Variants in C4orf50 observed in about 807,000 individuals in gnomAD.
The protein encoded by C4orf50 is uncharacterized protein C4orf50.
A neutral mutation model predicts 77.2 loss-of-function variants in C4orf50; 80 were observed. The observed-to-expected ratio is 1.04, with a 90% CI of 0.87 to 1.25. C4orf50 has a LOEUF of 1.25. Ranked by LOEUF, C4orf50 falls within the 50% of genes most tolerant of loss-of-function variation. The probability of loss-of-function intolerance (pLI) is 0.00; values close to 1 mark genes in which losing one functional copy is unlikely to be tolerated. For synonymous variants in C4orf50, 532 were observed against 465.3 expected, an observed-to-expected ratio of 1.14 and a Z score of -1.84; for missense variants, 1,257 against 1,152.9, an observed-to-expected ratio of 1.09 and a Z score of -1.31.
At chr4:5,967,877 C>T (rs967366029) in intron 31 of C4orf50, among the ~76,000 whole-genome samples, 7 of 152,230 alleles carry the variant, frequency 4.6e-5, no homozygotes, top group African/African-American at 1.4e-4. Context: ...CCTGCACCAC[C>T]GCACAGACCA....
intron 7 of C4orf50, among the ~76,000 whole-genome samples, chr4:5,937,518 A>G (rs541513362): frequency 6.6e-6 from 1 of 152,224 alleles, no homozygotes; most frequent in Non-Finnish European, 1.5e-5. Flanking sequence ...GTAAGCACAC[A>G]GTAAGATGAC....
Position 5,992,389 on chromosome 4 carries a change from C to T in C4orf50, c.1221+414G>A, listed in dbSNP as rs1721338742. ...GGTGAGTTGGGACGCAGGCTCCTGACCCTCAGGGCCAGCATGGGGCAGTGT... is the reference window on the plus strand; with the variant it reads ...GGTGAGTTGGGACGCAGGCTCCTGATCCTCAGGGCCAGCATGGGGCAGTGT... On this transcript the variant is annotated intron_variant, in intron 27 of 33. Coordinates refer to ENST00000531445, the Ensembl canonical transcript of C4orf50. This position sits in a 1 kb window ranked among gnomAD's most constrained non-coding sequence, Gnocchi z 5.0. 6.6e-6 allele frequency among the ~76,000 whole-genome samples: 1 copy of T among 152,040 alleles called. No homozygotes were observed. Among genetic ancestry groups the T allele is most frequent in the Non-Finnish European group, 1.5e-5 (1 of 67,992 alleles).
chr4:5,992,695 GC>G lies in C4orf50; in HGVS notation c.1221+107del. On this transcript the variant is annotated intron_variant, in intron 27 of 33. Transcript: ENST00000531445. This position sits in a 1 kb window ranked among gnomAD's most constrained non-coding sequence, Gnocchi z 5.0. ...TCCAGAATGTTCTCCCAGACCTGGA[GC>G]TTCTTTACCCCTCCCACATCCTGCG... The G allele has an allele frequency of 2.5e-6, 1 of 397,992 alleles. No homozygotes were observed. The highest frequency in any genetic ancestry group is 1.4e-4 in the South Asian group (1 of 7,310). The allele number at this position is 397,992 out of a possible 1,614,324, so 24.7% of individuals were successfully genotyped here.
intron 25 of C4orf50, among the ~76,000 whole-genome samples, chr4:5,999,151 A>G (rs1721721290): frequency 6.6e-6 from 1 of 152,368 alleles, no homozygotes; most frequent in African/African-American, 2.4e-5. Flanking sequence ...AATATGAAGC[A>G]AAGGAAACAC....
rs1371840018 is a variant in C4orf50 at position 6,011,432 on chromosome 4, C to A, written c.426+398G>T. Reference sequence around the variant, plus strand: ...CTGTAGCTCTCCTCAACTCCCCTAGCCCCCTGAACACACGCCATGGGGGAT... The same window carrying A: ...CTGTAGCTCTCCTCAACTCCCCTAGACCCCTGAACACACGCCATGGGGGAT... On this transcript the variant is annotated intron_variant, in intron 24 of 33. Coordinates refer to ENST00000531445, the Ensembl canonical transcript of C4orf50. This position sits in a 1 kb window ranked among gnomAD's most constrained non-coding sequence, Gnocchi z 4.2. Among the ~76,000 whole-genome samples the A allele has an allele frequency of 6.6e-6, 1 of 152,088 alleles. No individual in the cohort carries two copies. The highest frequency in any genetic ancestry group is 6.5e-5 in the Admixed American group (1 of 15,288).
At chr4:5,993,129 C>T (rs911696215) in intron 26 of C4orf50, among the ~76,000 whole-genome samples, 199 bp from the exon 5 acceptor site, 10 of 152,056 alleles carry the variant, frequency 6.6e-5, no homozygotes, top group Non-Finnish European at 1.0e-4. Context: ...GTGAAATAGC[C>T]AACAGCAGGT....
chr4:5,923,134 G>A (rs1377244236), intron 7 of C4orf50: 1 of 153,936 alleles, frequency 6.5e-6, no homozygotes, highest in African/African-American at 2.4e-5. Flanking sequence ...CATTTTGCAC[G>A]TGTAATTAAC....
In C4orf50 at chr4:6,007,234, G is replaced by T. The variant is rs962551649; in HGVS notation, c.963+762C>A. Among the ~76,000 whole-genome samples the T allele has an allele frequency of 6.6e-6, 1 of 152,148 alleles. No homozygotes were observed. Among genetic ancestry groups the T allele is most frequent in the African/African-American group, 2.4e-5 (1 of 41,430 alleles). ...GACAAGTGGGTGGGTGAGTGCTGGG[G>T]TCTGAATGGCTGTGTTCCCCACCAC... On this transcript the variant is annotated intron_variant, in intron 25 of 33. Transcript: ENST00000531445. This position sits in a 1 kb window ranked among gnomAD's most constrained non-coding sequence, Gnocchi z 4.1.
chr4:5,975,792 C>T (rs975719695), intron 30 of C4orf50, 107 bp downstream of exon 8: 1 of 910,978 alleles, frequency 1.1e-6, no homozygotes, highest in Non-Finnish European at 1.8e-6. Context: ...CCTGGCCCTA[C>T]CCAGACTTTT....
downstream of C4orf50, among the ~76,000 whole-genome samples, chr4:5,952,865 G>C (rs1465905218): frequency 6.6e-6 from 1 of 152,194 alleles, no homozygotes; most frequent in Non-Finnish European, 1.5e-5. The surrounding 1 kb of genome is among the most constrained non-coding windows in gnomAD (Gnocchi z 4.4). Flanking sequence ...GGCACCGGCT[G>C]TGTGCATCCA....
intron 31 of C4orf50, among the ~76,000 whole-genome samples, chr4:5,972,278 C>T (rs938320714): frequency 6.6e-6 from 1 of 152,154 alleles, no homozygotes; most frequent in African/African-American, 2.4e-5. Flanking sequence ...GCTGGGATTA[C>T]AGGCACGAGC....
intron 7 of C4orf50, among the ~76,000 whole-genome samples, chr4:5,942,409 A>T (rs1718306751): frequency 6.6e-6 from 1 of 152,206 alleles, no homozygotes; most frequent in African/African-American, 2.4e-5. Context: ...CAGTTTCAAC[A>T]TCTGTGAAAT....
chr4:6,010,215 C>T (rs1475753956), intron 24 of C4orf50, among the ~76,000 whole-genome samples: 4 of 152,234 alleles, frequency 2.6e-5, no homozygotes, highest in East Asian at 1.9e-4. Context: ...TCCCACTCAA[C>T]GCCGCTCTAC....
chr4:5,997,870 T>C (rs1210646302), intron 25 of C4orf50, among the ~76,000 whole-genome samples: 2 of 152,236 alleles, frequency 1.3e-5, no homozygotes, highest in African/African-American at 4.8e-5. Flanking sequence ...GTGGTTTTTA[T>C]AGCTAACTAA....
chr4:5,927,118 G>A (rs1014059250), intron 7 of C4orf50, among the ~76,000 whole-genome samples: 3 of 152,176 alleles, frequency 2.0e-5, no homozygotes, highest in African/African-American at 7.2e-5. Flanking sequence ...GCAGGAGATG[G>A]AGGTGGCAGA....
At chr4:5,988,655 C>T in exon 28 of C4orf50, 1 of 1,536,124 alleles carries the variant, frequency 6.5e-7, no homozygotes, top group Non-Finnish European at 8.7e-7. Context: ...ACCTCTTTGT[C>T]TAGAGCGTGC....
intron 7 of C4orf50, chr4:5,898,932 G>A (rs1363864861): frequency 1.3e-5 from 2 of 152,196 alleles, no homozygotes; most frequent in African/African-American, 4.8e-5. Flanking sequence ...CACTAAAAAT[G>A]CAGAAGTCAG....
intron 7 of C4orf50, chr4:5,899,369 C>G (rs940587657): frequency 2.0e-5 from 3 of 152,184 alleles, no homozygotes; most frequent in African/African-American, 2.4e-5. Flanking sequence ...CATTTACCAC[C>G]CAATTATATT....
Position 5,970,989 on chromosome 4 carries a change from G to A in C4orf50, c.4104+2670C>T, listed in dbSNP as rs888989686. The stretch of plus-strand genomic sequence containing the variant: ...CCAGTTGGGACCCTAGCCAGCCCAC[G>A]CCCCCTACCCAAAGGCAGGGGCCAG... On this transcript the variant is annotated intron_variant, in intron 31 of 33. Transcript: ENST00000531445. The surrounding 1 kb of genome is among the most constrained non-coding windows in gnomAD (Gnocchi z 4.3). 2.6e-5 allele frequency among the ~76,000 whole-genome samples: 4 copies of A among 152,258 alleles called. No individual in the cohort carries two copies. Among genetic ancestry groups the A allele is most frequent in the South Asian group, 2.1e-4 (1 of 4,822 alleles).
Sources: allele counts gnomAD v4.1 joint callset (sites outside exome capture counted in the v4.1 genomes callset), GRCh38; gene constraint gnomAD v4.1.1; non-coding constraint Gnocchi (gnomAD v3.1); transcripts MANE v1.5; gene names NCBI Gene and HGNC (gene_info 2026-07-23, HGNC 2026-07-21).